TRIM63: variants seen among roughly 807,000 people sequenced by gnomAD.
TRIM63 encodes the protein E3 ubiquitin-protein ligase TRIM63.
Under a neutral mutation model 46.0 loss-of-function variants are expected in TRIM63, and 48 were observed. The ratio of observed to expected loss-of-function variants is 1.04; its 90% CI spans 0.83 to 1.33. The LOEUF is 1.33. Ranked by LOEUF, TRIM63 falls within the 40% of genes most tolerant of loss-of-function variation. The pLI, the probability that TRIM63 is intolerant of heterozygous loss-of-function variation, is 0.00. For synonymous variants in TRIM63, 175 were observed against 162.8 expected (o/e 1.08, Z -0.57); for missense variants, 455 against 441.2 (o/e 1.03, Z -0.28).
chr1:26,056,808 G>A (rs544479466), intron 7 of TRIM63, among the ~76,000 whole-genome samples: 1 of 150,544 alleles, frequency 6.6e-6, no homozygotes, highest in African/African-American at 2.5e-5. Context: ...TTTTGCCCAG[G>A]CTGGAGTGCA....
rs377564656 is a variant in TRIM63 at position 26,053,874 on chromosome 1, A to C, written c.1051+19T>G. The C allele has an allele frequency of 1.9e-6, 3 of 1,558,942 alleles. No homozygotes were observed. In the African/African-American group the frequency reaches 4.1e-5, roughly 21 times the overall value. On this transcript the variant is annotated intron_variant, in intron 8 of 8. Coordinates refer to ENST00000374272, the MANE Select transcript of TRIM63 (RefSeq NM_032588.4). ...AATGAATGAAGGAACGAAGGAATGG[A>C]GGTAGATGAATTTCTTACCTTCTTC... is the stretch of plus-strand genomic sequence containing the variant.
At position 26,058,207 on chromosome 1, in the gene TRIM63, T is replaced by C. The variant is rs1414531243; in HGVS notation, c.831+183A>G. Among the ~76,000 whole-genome samples the C allele has an allele frequency of 4.6e-5, 7 of 152,168 alleles. No individual in the cohort carries two copies. The South Asian group carries it at 8.3e-4, about 18-fold the overall frequency. ...TAAACATCCTCTTATCTTATCATCA[T>C]AAAATCAGTAAGAGGAAGGTGGGGG... is the stretch of plus-strand genomic sequence containing the variant. On this transcript the variant is annotated intron_variant, in intron 5 of 8. Coordinates refer to ENST00000374272, the MANE Select transcript of TRIM63 (RefSeq NM_032588.4).
intron 1 of TRIM63, 138 bp from the exon 2 acceptor site, chr1:26,066,578 T>G: frequency 1.4e-6 from 1 of 734,484 alleles, no homozygotes; most frequent in Non-Finnish European, 2.1e-6. Context: ...CAGACTGTGA[T>G]GAGAACCAGT....
At chr1:26,059,569 C>T (rs2050603871) in intron 4 of TRIM63, among the ~76,000 whole-genome samples, 1 of 152,178 alleles carries the variant, frequency 6.6e-6, no homozygotes, top group Admixed American at 6.5e-5. Context: ...ACAATAGCAT[C>T]TCATCAGACC....
chr1:26,053,993 T>C, intron 7 of TRIM63, 29 bp from the exon 8 acceptor site: 2 of 1,536,838 alleles, frequency 1.3e-6, no homozygotes, highest in Non-Finnish European at 1.8e-6. Context: ...TGTGTTAGGA[T>C]GGGGCCGGTT....
chr1:26,066,856 C>G (rs61775417), intron 1 of TRIM63, among the ~76,000 whole-genome samples: 21,955 of 151,660 alleles, frequency 0.14, 1,730 homozygotes, highest in Middle Eastern at 0.24. Context: ...ACATCTACCC[C>G]CTTCCTTTCT....
At chr1:26,058,679 AC>A in intron 4 of TRIM63, 56 bp from the exon 5 acceptor site, 1 of 1,417,982 alleles carries the variant, frequency 7.1e-7, no homozygotes, top group Non-Finnish European at 9.9e-7. Context: ...CCTGCCCACT[AC>A]ACTGCCTTCC....
chr1:26,058,402 G>A lies in TRIM63; in HGVS notation c.819C>T (p.Ala273=), dbSNP rs138337721. Residue 273 remains alanine, a synonymous_variant, in exon 5 of 9, where the codon GCC becomes GCT. Transcript: ENST00000374272. ...AIQSLDEPGG[A]TFLLTAKQLI... ...TAGTCCTGCTCACCAAGAGGAAGGTGGCTCCCCCAGGCTCGTCCAGGGACT... is the reference window on the plus strand; with the variant it reads ...TAGTCCTGCTCACCAAGAGGAAGGTAGCTCCCCCAGGCTCGTCCAGGGACT... 55 of 1,613,866 alleles carry A rather than the reference G, an allele frequency of 3.4e-5. No individual in the cohort carries two copies. Among genetic ancestry groups the A allele is most frequent in the Non-Finnish European group, 4.7e-5 (55 of 1,179,974 alleles).
At chr1:26,053,504 G>A (rs1038848307) in intron 8 of TRIM63, among the ~76,000 whole-genome samples, 4 of 152,184 alleles carry the variant, frequency 2.6e-5, no homozygotes, top group Non-Finnish European at 5.9e-5. Context: ...TTACAGGCTC[G>A]AGCCACCGTG....
At chr1:26,066,140 G>T in intron 2 of TRIM63, 128 bp downstream of exon 2, 1 of 1,062,152 alleles carries the variant, frequency 9.4e-7, no homozygotes, top group Non-Finnish European at 1.4e-6. Flanking sequence ...GTCTCTGAAT[G>T]GCTTGTGTAG....
Position 26,064,936 on chromosome 1 carries a change from C to T in TRIM63, c.332+1332G>A, listed in dbSNP as rs967894825. 2.6e-5 allele frequency among the ~76,000 whole-genome samples: 4 copies of T among 152,178 alleles called. No homozygotes were observed. The South Asian group carries it at 6.2e-4, about 24-fold the overall frequency. On this transcript the variant is annotated intron_variant, in intron 2 of 8. Transcript: ENST00000374272. ...CTTAAAGGCTGTGAGGTCAGCACTC[C>T]TGGAGTCTTACCAGGATGTCCTGAT...
chr1:26,065,294 G>C (rs1188093119), intron 2 of TRIM63, among the ~76,000 whole-genome samples: 1 of 151,376 alleles, frequency 6.6e-6, no homozygotes, highest in Non-Finnish European at 1.5e-5. Context: ...AAAGTGCTGG[G>C]ATTACAGGTG....
In TRIM63 at chr1:26,051,782, T is replaced by TC; in HGVS notation, c.*90dup. 8.8e-6 allele frequency: 2 copies of TC among 227,208 alleles called. No individual in the cohort carries two copies. Among genetic ancestry groups the TC allele is most frequent in the Non-Finnish European group, 1.9e-5 (2 of 103,876 alleles). The allele number at this position is 227,208 out of a possible 1,614,324, so 14.1% of individuals were successfully genotyped here. ...TTGCCCCTCCAGGGGCCCCGACCCC[T>TC]CCCACCCTGGGCCTGTCACCAAGGC... is the stretch of plus-strand genomic sequence containing the variant. On this transcript the variant is annotated 3_prime_UTR_variant, in exon 9 of 9. Transcript: ENST00000374272.
intron 2 of TRIM63, among the ~76,000 whole-genome samples, chr1:26,063,279 A>T (rs1463381931): frequency 6.6e-6 from 1 of 152,056 alleles, no homozygotes; most frequent in Non-Finnish European, 1.5e-5. Flanking sequence ...CTATACACTC[A>T]TTGAAAGCCA....
Position 26,066,309 on chromosome 1 carries a change from C to A in TRIM63, c.291G>T (p.Leu97=). ...TGTAGATGTCGATGATGTTCTCCAC[C>A]AGCAGGTTCCTCTGCAGGCCGTACA... ...HGVYGLQRNL[L]VENIIDIYKQ... is the part of the protein sequence containing the mutation. Residue 97 remains leucine (L), a synonymous_variant, in exon 2 of 9, where the codon CTG becomes CTT. Transcript: ENST00000374272. 1 of 1,614,142 alleles carries A rather than the reference C, an allele frequency of 6.2e-7. No homozygotes were observed. The highest frequency in any genetic ancestry group is 8.5e-7 in the Non-Finnish European group (1 of 1,180,028).
chr1:26,063,132 G>T (rs943687872), intron 2 of TRIM63, among the ~76,000 whole-genome samples: 4 of 152,022 alleles, frequency 2.6e-5, no homozygotes, highest in African/African-American at 9.7e-5. Flanking sequence ...GTGCAGCAGC[G>T]ATTCACAGAT....
rs755450272 is a variant in TRIM63, at chr1:26,066,392, C to T, written c.208G>A (p.Gly70Arg). Residue 70 changes from glycine to arginine, a missense_variant, in exon 2 of 9, where the codon GGA becomes AGA. Transcript: ENST00000374272. ...TSRGSSVSMS[G>R]GRFRCPTCRH... Reference sequence around the variant, plus strand: ...CAGGTGGGGCAGCGGAAACGGCCTCCAGACATGGACACTGAGCTGCCCCGG... The same window carrying T: ...CAGGTGGGGCAGCGGAAACGGCCTCTAGACATGGACACTGAGCTGCCCCGG... The T allele has an allele frequency of 2.5e-6, 4 of 1,611,936 alleles. No individual in the cohort carries two copies. The highest frequency in any genetic ancestry group is 3.4e-6 in the Non-Finnish European group (4 of 1,178,786).
At chr1:26,055,446 C>T (rs1186836297) in intron 7 of TRIM63, among the ~76,000 whole-genome samples, 1 of 152,038 alleles carries the variant, frequency 6.6e-6, no homozygotes, top group African/African-American at 2.4e-5. Flanking sequence ...ATTAGGAAGG[C>T]CAGTGCAGGA....
At chr1:26,058,710 C>A (rs2050595398) in intron 4 of TRIM63, 87 bp from the exon 5 acceptor site, 5 of 1,076,526 alleles carry the variant, frequency 4.6e-6, no homozygotes, top group South Asian at 4.2e-5. Flanking sequence ...AGCAAGGAAT[C>A]TAAAGCTAGA....
Sources: allele counts gnomAD v4.1 joint callset (sites outside exome capture counted in the v4.1 genomes callset), GRCh38; gene constraint gnomAD v4.1.1; transcripts MANE v1.5; gene names NCBI Gene and HGNC (gene_info 2026-07-23, HGNC 2026-07-21).